PCSK2: variants seen among roughly 807,000 people sequenced by gnomAD.
PCSK2 encodes the protein neuroendocrine convertase 2.
A neutral mutation model predicts 69.7 loss-of-function variants in PCSK2; 14 were observed. That is an observed-to-expected ratio of 0.20 (90% CI 0.13 to 0.31). The LOEUF (loss-of-function observed/expected upper bound fraction) is 0.31, where lower values mean the gene tolerates loss of function less well. Among genes scored for constraint, PCSK2 ranks in the 10% least tolerant of loss-of-function variants. PCSK2 has a pLI of 1.00. For missense variants in PCSK2, 544 were observed against 842.5 expected, an observed-to-expected ratio of 0.65 and a Z score of 4.39; for synonymous variants, 307 against 320.7, an observed-to-expected ratio of 0.96 and a Z score of 0.46.
intron 11 of PCSK2, chr20:17,479,252 T>TGGGAAAAGCTTATAAA: frequency 8.4e-7 from 1 of 1,191,988 alleles, no homozygotes; most frequent in Non-Finnish European, 1.3e-6. Flanking sequence ...ATTTATAAGC[T>TGGGAAAAGCTTATAAA]TTTCCCAGCT....
At chr20:17,433,691 A>G (rs1354726316) in intron 7 of PCSK2, among the ~76,000 whole-genome samples, 1 of 152,280 alleles carries the variant, frequency 6.6e-6, no homozygotes, top group Non-Finnish European at 1.5e-5. Context: ...TCAGATAGAA[A>G]CACTTGATGT....
At position 17,453,074 on chromosome 20, in the gene PCSK2, A is replaced by G. The variant is rs75278085; in HGVS notation, c.886-668A>G. Among the ~76,000 whole-genome samples, 14 of 152,336 alleles carry G rather than the reference A, an allele frequency of 9.2e-5. No individual in the cohort carries two copies. In the East Asian group the frequency reaches 2.7e-3, roughly 29 times the overall value. ...CCCTTGCTCAAGTAAAATGTCATAT[A>G]TTATGTGTTTAAAAGGATTCTAGTA... On this transcript the variant is annotated intron_variant, in intron 8 of 11. Transcript: ENST00000262545. This position sits in a 1 kb window ranked among gnomAD's most constrained non-coding sequence, Gnocchi z 4.0.
At chr20:17,386,312 A>G (rs2031231933) in intron 5 of PCSK2, among the ~76,000 whole-genome samples, 1 of 152,232 alleles carries the variant, frequency 6.6e-6, no homozygotes, top group African/African-American at 2.4e-5. Flanking sequence ...AACATTATTC[A>G]CAATAGCCAA....
intron 11 of PCSK2, among the ~76,000 whole-genome samples, chr20:17,469,992 T>C: frequency 6.6e-6 from 1 of 152,176 alleles, no homozygotes; most frequent in Non-Finnish European, 1.5e-5. Flanking sequence ...CCCTTTTCAC[T>C]GGTCTACAAT....
In PCSK2 at chr20:17,372,977, G is replaced by A. The variant is rs528997534; in HGVS notation, c.543+3700G>A. ...GCAATGAAACCAGTAGACAGTGATA[G>A]GCTCGAAAATTGTTTGAGCAGAGAA... is the stretch of plus-strand genomic sequence containing the variant. On this transcript the variant is annotated intron_variant, in intron 5 of 11. Transcript: ENST00000262545. Among the ~76,000 whole-genome samples, 43 of 152,298 alleles carry A rather than the reference G, an allele frequency of 2.8e-4. No individual in the cohort carries two copies. In the South Asian group the frequency reaches 2.9e-3, roughly 10 times the overall value.
At position 17,483,199 on chromosome 20, in the gene PCSK2, G is replaced by C. The variant is rs912464214; in HGVS notation, c.*1129G>C. On this transcript the variant is annotated 3_prime_UTR_variant, in exon 12 of 12. Coordinates refer to ENST00000262545, the MANE Select transcript of PCSK2 (RefSeq NM_002594.5). ...GTGAAAGGGGCACGTTTGAAGATGC[G>C]AGCGCTATCTTCACATAGTTCTCCA... The C allele has an allele frequency of 6.6e-6, 1 of 152,054 alleles. No homozygotes were observed. The highest frequency in any genetic ancestry group is 2.4e-5 in the African/African-American group (1 of 41,384). 9.4% of individuals were successfully genotyped at this position (152,054 alleles called of 1,614,324 possible). A position where few individuals can be genotyped will look rare whatever the true frequency, so the allele number is the denominator to read the frequency against.
chr20:17,251,830 G>T (rs576876528), intron 1 of PCSK2, among the ~76,000 whole-genome samples: 47 of 152,280 alleles, frequency 3.1e-4, no homozygotes, highest in African/African-American at 1.1e-3. Flanking sequence ...CAGTTGGGAA[G>T]ACTCAACAGC....
At chr20:17,351,983 T>TA (rs138675019) in intron 2 of PCSK2, among the ~76,000 whole-genome samples, 1,935 of 152,086 alleles carry the variant, frequency 0.013, 14 homozygotes, top group East Asian at 0.035. Flanking sequence ...CTAGAACTAA[T>TA]AAAAAAAGCT....
intron 5 of PCSK2, among the ~76,000 whole-genome samples, chr20:17,405,062 C>A (rs2031723746): frequency 6.6e-6 from 1 of 152,164 alleles, no homozygotes; most frequent in South Asian, 2.1e-4. Context: ...TGAGGCATTG[C>A]CCATACTGCG....
At chr20:17,270,634 C>T (rs921488024) in intron 2 of PCSK2, among the ~76,000 whole-genome samples, 4 of 152,052 alleles carry the variant, frequency 2.6e-5, no homozygotes, top group African/African-American at 9.7e-5. Context: ...TTTCCATTCC[C>T]CCTGAAAAGG....
At chr20:17,316,745 G>A (rs934672853) in intron 2 of PCSK2, among the ~76,000 whole-genome samples, 8 of 152,318 alleles carry the variant, frequency 5.3e-5, no homozygotes, top group Admixed American at 2.6e-4. Context: ...CTGATACTGT[G>A]ATGTGTGATG....
intron 5 of PCSK2, among the ~76,000 whole-genome samples, chr20:17,380,573 G>C (rs866961950): frequency 6.6e-6 from 1 of 152,058 alleles, no homozygotes; most frequent in African/African-American, 2.4e-5. Flanking sequence ...TGATCTTACC[G>C]GTGATTGTGA....
intron 2 of PCSK2, among the ~76,000 whole-genome samples, chr20:17,305,091 G>C (rs1428657557): frequency 6.6e-6 from 1 of 152,126 alleles, no homozygotes; most frequent in Non-Finnish European, 1.5e-5. Context: ...CTAAGAGGGA[G>C]TTCAGTTTCT....
At chr20:17,308,822 A>C (rs1450285820) in intron 2 of PCSK2, among the ~76,000 whole-genome samples, 3 of 152,132 alleles carry the variant, frequency 2.0e-5, no homozygotes, top group Non-Finnish European at 2.9e-5. Context: ...GTGGTCTCCC[A>C]TCTTCCAGGA....
chr20:17,369,348 A>G, intron 5 of PCSK2, 71 bp downstream of exon 5: 1 of 1,188,904 alleles, frequency 8.4e-7, no homozygotes, highest in East Asian at 2.3e-5. Context: ...GCTATTAGGA[A>G]CATGCACATG....
intron 11 of PCSK2, among the ~76,000 whole-genome samples, chr20:17,478,037 C>T (rs2033322348): frequency 6.6e-6 from 1 of 152,068 alleles, no homozygotes; most frequent in Non-Finnish European, 1.5e-5. Context: ...AAATTTACTA[C>T]TTGTATAGAT....
chr20:17,287,431 C>CTGTGTGTGTG (rs67695913), intron 2 of PCSK2, among the ~76,000 whole-genome samples: 7,775 of 145,958 alleles, frequency 0.053, 258 homozygotes, highest in Middle Eastern at 0.12. Flanking sequence ...ATGTGCGTGT[C>CTGTGTGTGTG]TGTGTGTGTG....
At chr20:17,424,937 A>G (rs1398143789) in intron 6 of PCSK2, among the ~76,000 whole-genome samples, 1 of 151,896 alleles carries the variant, frequency 6.6e-6, no homozygotes, top group Non-Finnish European at 1.5e-5. Flanking sequence ...GAGACAGGCC[A>G]CCATACCTGG....
intron 2 of PCSK2, among the ~76,000 whole-genome samples, chr20:17,275,105 ATATATAT>A (rs1988015845): frequency 6.8e-6 from 1 of 147,390 alleles, no homozygotes; most frequent in Admixed American, 6.8e-5. Context: ...ATATATATAT[ATATATAT>A]AATGTTGGGC....
Sources: gnomAD v4.1 joint callset for allele counts (sites outside exome capture counted in the v4.1 genomes callset) on GRCh38, gnomAD v4.1.1 for gene constraint, Gnocchi (gnomAD v3.1) non-coding constraint, MANE v1.5 for transcripts, NCBI Gene and HGNC (gene_info 2026-07-23, HGNC 2026-07-21) for gene names.